Variants in DGKG observed in about 807,000 individuals in gnomAD.
The protein encoded by DGKG is DAG kinase gamma.
DGKG carries 78 observed loss-of-function variants against 105.3 expected under a neutral mutation model. The ratio of observed to expected loss-of-function variants is 0.74; its 90% CI spans 0.62 to 0.89. DGKG has a LOEUF of 0.89. Among genes scored for constraint, DGKG ranks in the 40% least tolerant of loss-of-function variants. The pLI, the probability that DGKG is intolerant of heterozygous loss-of-function variation, is 0.00. For synonymous variants in DGKG, 346 were observed against 367.1 expected (o/e 0.94, Z 0.66); for missense variants, 958 against 1,020.1 (o/e 0.94, Z 0.83).
At position 186,230,144 on chromosome 3, in the gene DGKG, G is replaced by A. The variant is rs1447331630; in HGVS notation, c.1826+12360C>T. Among the ~76,000 whole-genome samples, 5 of 152,190 alleles carry A rather than the reference G, an allele frequency of 3.3e-5. No homozygotes were observed. In the East Asian group the frequency reaches 7.7e-4, roughly 23 times the overall value. Reference sequence around the variant, plus strand: ...GTGGTGGCGGGCGCCTGTAGTCCCAGCTACTTGGGAGGCTGAGGCAGGAGC... The same window carrying A: ...GTGGTGGCGGGCGCCTGTAGTCCCAACTACTTGGGAGGCTGAGGCAGGAGC... On this transcript the variant is annotated intron_variant, in intron 20 of 24. Transcript: ENST00000265022.
At chr3:186,314,586 C>G (rs957563504) in intron 2 of DGKG, among the ~76,000 whole-genome samples, 2 of 151,928 alleles carry the variant, frequency 1.3e-5, no homozygotes, top group African/African-American at 4.8e-5. Context: ...GAAACCTTGT[C>G]TCTACTAAAA....
chr3:186,332,826 A>ACAC (rs1560159724), intron 1 of DGKG, among the ~76,000 whole-genome samples: 1 of 152,144 alleles, frequency 6.6e-6, no homozygotes, highest in Non-Finnish European at 1.5e-5. Flanking sequence ...GGTCCTGAGG[A>ACAC]CACTGCCCTA....
intron 21 of DGKG, among the ~76,000 whole-genome samples, chr3:186,202,646 G>A (rs1266575487): frequency 2.0e-5 from 3 of 152,314 alleles, no homozygotes; most frequent in African/African-American, 7.2e-5. Flanking sequence ...TATTCTTTTA[G>A]TAAGGGACCT....
intron 2 of DGKG, among the ~76,000 whole-genome samples, chr3:186,315,747 T>C (rs1724789069): frequency 6.6e-6 from 1 of 152,184 alleles, no homozygotes; most frequent in Non-Finnish European, 1.5e-5. Flanking sequence ...TGATCGATAT[T>C]GTGTGCTAGC....
chr3:186,352,140 A>G (rs1009647582), intron 1 of DGKG, among the ~76,000 whole-genome samples: 3 of 151,910 alleles, frequency 2.0e-5, no homozygotes, highest in African/African-American at 7.2e-5. Context: ...TAGCTTAGAG[A>G]GAAAGACCAT....
intron 24 of DGKG, chr3:186,160,098 G>A (rs1018332854): frequency 1.4e-6 from 1 of 699,240 alleles, no homozygotes; most frequent in Non-Finnish European, 1.7e-6. Flanking sequence ...GGCACTCAAA[G>A]CAGACGAATA....
intron 20 of DGKG, among the ~76,000 whole-genome samples, chr3:186,229,382 A>T (rs973228748): frequency 6.6e-6 from 1 of 151,962 alleles, no homozygotes; most frequent in Non-Finnish European, 1.5e-5. Flanking sequence ...CTGGGATTAC[A>T]GGTGCCCACC....
chr3:186,165,539 C>T (rs1458851597), intron 22 of DGKG, among the ~76,000 whole-genome samples: 1 of 152,204 alleles, frequency 6.6e-6, no homozygotes, highest in Non-Finnish European at 1.5e-5. Flanking sequence ...CTTGGACGTC[C>T]TCAGGAAAAC....
At chr3:186,290,963 C>G (rs1476914655) in intron 5 of DGKG, among the ~76,000 whole-genome samples, 1 of 152,182 alleles carries the variant, frequency 6.6e-6, no homozygotes. Context: ...AGGGTAGAAA[C>G]CCCCCATAAT....
chr3:186,315,138 T>A (rs1185009438), intron 2 of DGKG, among the ~76,000 whole-genome samples: 1 of 152,166 alleles, frequency 6.6e-6, no homozygotes, highest in Non-Finnish European at 1.5e-5. Flanking sequence ...ATCTCCCCTA[T>A]AGTGTCCAAA....
At chr3:186,283,610 T>C (rs1009999102) in intron 7 of DGKG, among the ~76,000 whole-genome samples, 1 of 152,240 alleles carries the variant, frequency 6.6e-6, no homozygotes, top group African/African-American at 2.4e-5. Context: ...GTGTCTGTGC[T>C]TGGACTAGAA....
chr3:186,352,672 G>A (rs896782082), intron 1 of DGKG, among the ~76,000 whole-genome samples: 1 of 152,084 alleles, frequency 6.6e-6, no homozygotes, highest in Non-Finnish European at 1.5e-5. Flanking sequence ...GCCTCCCTCA[G>A]CCCCCTCACA....
intron 21 of DGKG, among the ~76,000 whole-genome samples, chr3:186,194,915 C>T (rs1200916911): frequency 2.0e-5 from 3 of 151,656 alleles, no homozygotes; most frequent in African/African-American, 7.3e-5. Flanking sequence ...ACCAGCCTGG[C>T]CAACATGGCG....
Position 186,209,088 on chromosome 3 carries a change from C to CTTTTTTTTTT in DGKG, c.1917+2706_1917+2707insAAAAAAAAAA, listed in dbSNP as rs1560096022. Reference sequence around the variant, plus strand: ...TGGACTTTTCTCTCCCTTCAGTTTACTCTTCTTTTTTTTTTTTTTTTTTTT... The same window carrying CTTTTTTTTTT: ...TGGACTTTTCTCTCCCTTCAGTTTACTTTTTTTTTTTCTTCTTTTTTTTTTTTTTTTTTTT... On this transcript the variant is annotated intron_variant, in intron 21 of 24. Transcript: ENST00000265022. 6.2e-4 allele frequency among the ~76,000 whole-genome samples: 77 copies of CTTTTTTTTTT among 124,882 alleles called. 3 individuals carry two copies. The highest frequency in any genetic ancestry group is 2.5e-3 in the African/African-American group (75 of 29,922). The allele number at this position is 124,882 out of a possible 152,430, so 81.9% of individuals were successfully genotyped here.
Position 186,216,182 on chromosome 3 carries a change from T to C in DGKG, c.1827-4297A>G, listed in dbSNP as rs999669653. On this transcript the variant is annotated intron_variant, in intron 20 of 24. Transcript: ENST00000265022. ...CCCGGCTAGTATTTTGTATTTTTAG[T>C]AGAGATGGGGTTTCACCATGTTGGC... Among the ~76,000 whole-genome samples the C allele has an allele frequency of 5.3e-5, 8 of 152,134 alleles. No homozygotes were observed. The South Asian group carries it at 1.2e-3, about 24-fold the overall frequency.
At chr3:186,166,888 G>A (rs1191532293) in intron 22 of DGKG, among the ~76,000 whole-genome samples, 1 of 152,154 alleles carries the variant, frequency 6.6e-6, no homozygotes, top group Non-Finnish European at 1.5e-5. Flanking sequence ...ATAGTCCAAT[G>A]TTTTCCCTCC....
intron 12 of DGKG, 53 bp downstream of exon 12, chr3:186,268,748 C>T: frequency 7.5e-7 from 1 of 1,337,674 alleles, no homozygotes; most frequent in Non-Finnish European, 1.1e-6. Flanking sequence ...TGGGCTGCAG[C>T]TTGGGCAAAA....
intron 5 of DGKG, among the ~76,000 whole-genome samples, chr3:186,290,032 C>T (rs1241355776): frequency 1.3e-5 from 2 of 152,128 alleles, no homozygotes; most frequent in African/African-American, 4.8e-5. Context: ...GTCACTGACA[C>T]AATTTGTATA....
intron 20 of DGKG, among the ~76,000 whole-genome samples, chr3:186,228,167 A>G (rs902929596): frequency 7.9e-5 from 12 of 152,144 alleles, no homozygotes; most frequent in Non-Finnish European, 2.9e-5. Context: ...ACCAAATAGC[A>G]TGCTTTAAAG....
Sources: allele counts gnomAD v4.1 joint callset (sites outside exome capture counted in the v4.1 genomes callset), GRCh38; gene constraint gnomAD v4.1.1; transcripts MANE v1.5; gene names NCBI Gene and HGNC (gene_info 2026-07-23, HGNC 2026-07-21).